PPP2R3A: variants seen among roughly 807,000 people sequenced by gnomAD.
PPP2R3A encodes the protein protein phosphatase 2 regulatory subunit B''alpha, also known as serine/threonine-protein phosphatase 2A regulatory subunit B'' subunit alpha.
Under a neutral mutation model 106.9 loss-of-function variants are expected in PPP2R3A, and 80 were observed. The ratio of observed to expected loss-of-function variants is 0.75; its 90% CI spans 0.62 to 0.90. PPP2R3A has a LOEUF of 0.90. Ranked by LOEUF, PPP2R3A falls within the 40% of genes least tolerant of loss-of-function variation. The pLI, the probability that PPP2R3A is intolerant of heterozygous loss-of-function variation, is 0.00. For missense variants in PPP2R3A, 1,386 were observed against 1,350.4 expected (o/e 1.03, Z -0.41); for synonymous variants, 483 against 468.3 (o/e 1.03, Z -0.41).
At position 136,003,055 on chromosome 3, in the gene PPP2R3A, T is replaced by C. The variant is rs1468706487; in HGVS notation, c.1557T>C (p.Phe519=). 1.9e-6 allele frequency: 3 copies of C among 1,612,336 alleles called. No homozygotes were observed. Among genetic ancestry groups the C allele is most frequent in the Non-Finnish European group, 2.5e-6 (3 of 1,179,562 alleles). Residue 519 remains phenylalanine (F), a synonymous_variant, in exon 2 of 14, where the codon TTT becomes TTC. Transcript: ENST00000264977. ...IDKLLMDLES[F]SQKMETSLRE... is the part of the protein sequence containing the mutation. ...AATTGTTAATGGATTTGGAATCTTT[T>C]TCACAGAAGATGGAGACCTCTCTAA...
chr3:136,061,901 T>C (rs1198633824), intron 5 of PPP2R3A, among the ~76,000 whole-genome samples: 3 of 121,016 alleles, frequency 2.5e-5, no homozygotes, highest in African/African-American at 1.0e-4. Context: ...CACTCCAGCC[T>C]GGGCGACAGA....
rs865876272 is a variant in PPP2R3A, at chr3:136,107,531, A to G, written c.3329+1209A>G. Among the ~76,000 whole-genome samples the G allele has an allele frequency of 1.3e-4, 19 of 147,874 alleles. 1 individual carries two copies. Among genetic ancestry groups the G allele is most frequent in the Middle Eastern group, 3.4e-3 (1 of 296 alleles). ...TGAGGCATAGAGATAGAGGAAGAGC[A>G]GGTCTAGAGGGATAAACAGAAACTA... On this transcript the variant is annotated intron_variant, in intron 13 of 13. Transcript: ENST00000264977.
At chr3:136,000,100 G>A (rs1000643392) in intron 1 of PPP2R3A, among the ~76,000 whole-genome samples, 1 of 152,130 alleles carries the variant, frequency 6.6e-6, no homozygotes, top group Non-Finnish European at 1.5e-5. Flanking sequence ...TCAGGTCTCT[G>A]CTTTTCAGAT....
At chr3:136,100,014 C>G (rs1271509289) in intron 10 of PPP2R3A, among the ~76,000 whole-genome samples, 1 of 151,584 alleles carries the variant, frequency 6.6e-6, no homozygotes, top group Non-Finnish European at 1.5e-5. Flanking sequence ...TGAATAGGCT[C>G]TCAGAAAAGC....
rs188776795 is a variant in PPP2R3A at position 136,074,268 on chromosome 3, G to C, written c.2544+3716G>C. 9.2e-5 allele frequency among the ~76,000 whole-genome samples: 14 copies of C among 152,294 alleles called. No individual in the cohort carries two copies. The East Asian group carries it at 2.7e-3, about 29-fold the overall frequency. ...GTATCATTGAAAATCTATGTTACAG[G>C]AAAGGCTGTTTGTTTAGTTAATTAT... On this transcript the variant is annotated intron_variant, in intron 6 of 13. Transcript: ENST00000264977.
At chr3:136,115,990 C>A (rs112765808) in intron 13 of PPP2R3A, among the ~76,000 whole-genome samples, 5,008 of 151,862 alleles carry the variant, frequency 0.033, 295 homozygotes, top group African/African-American at 0.11. Flanking sequence ...TAAGGGCAGC[C>A]AGAGAGAAAA....
chr3:136,122,474 G>C (rs1203792906), intron 13 of PPP2R3A, among the ~76,000 whole-genome samples: 8 of 152,122 alleles, frequency 5.3e-5, no homozygotes, highest in Non-Finnish European at 1.2e-4. Flanking sequence ...TTACCCTCCT[G>C]CAGTTAAATA....
intron 5 of PPP2R3A, among the ~76,000 whole-genome samples, chr3:136,053,357 G>A (rs1195966480): frequency 2.6e-5 from 4 of 151,136 alleles, no homozygotes; most frequent in African/African-American, 9.7e-5. Flanking sequence ...GATTTATATG[G>A]ATCAAAAAAA....
rs570344323 is a variant in PPP2R3A, at chr3:136,139,745, T to C, written c.3330-5298T>C. 6.0e-5 allele frequency among the ~76,000 whole-genome samples: 9 copies of C among 150,488 alleles called. No individual in the cohort carries two copies. The East Asian group carries it at 1.8e-3, about 29-fold the overall frequency. The stretch of plus-strand genomic sequence containing the variant: ...TCAGCTGGGCATGGTGGCTCAAGCC[T>C]GTAATCCCAACATTTTTGGAGGCCG... On this transcript the variant is annotated intron_variant, in intron 13 of 13. Transcript: ENST00000264977.
At chr3:135,997,307 C>G (rs1277901138) in intron 1 of PPP2R3A, among the ~76,000 whole-genome samples, 1 of 152,160 alleles carries the variant, frequency 6.6e-6, no homozygotes, top group Non-Finnish European at 1.5e-5. Context: ...TTAGTAACAT[C>G]CAGTGCTAGT....
chr3:136,063,702 C>T (rs1559897730), intron 5 of PPP2R3A, among the ~76,000 whole-genome samples: 1 of 151,546 alleles, frequency 6.6e-6, no homozygotes, highest in Non-Finnish European at 1.5e-5. Context: ...AAATGCAAAT[C>T]AAAACCACAA....
chr3:135,975,466 C>T (rs1460749131), intron 1 of PPP2R3A, among the ~76,000 whole-genome samples: 3 of 152,138 alleles, frequency 2.0e-5, no homozygotes, highest in Admixed American at 6.5e-5. Flanking sequence ...GGTATTATTT[C>T]TAAGAATTTT....
chr3:136,044,565 T>A (rs547604691), intron 4 of PPP2R3A, among the ~76,000 whole-genome samples: 54 of 108,800 alleles, frequency 5.0e-4, no homozygotes, highest in African/African-American at 1.9e-3. Context: ...AATGAGACCC[T>A]GTCTCAAAAA....
intron 2 of PPP2R3A, among the ~76,000 whole-genome samples, chr3:136,012,424 T>C (rs1042718604): frequency 5.9e-5 from 9 of 152,176 alleles, no homozygotes; most frequent in African/African-American, 2.2e-4. Flanking sequence ...TTCCCATAAT[T>C]TGGAGGCAAT....
intron 2 of PPP2R3A, among the ~76,000 whole-genome samples, chr3:136,007,465 A>G (rs1267973699): frequency 2.6e-5 from 4 of 152,160 alleles, no homozygotes; most frequent in African/African-American, 9.7e-5. Context: ...CAAGTATCTT[A>G]CCTAGACCTC....
intron 13 of PPP2R3A, among the ~76,000 whole-genome samples, chr3:136,144,660 CA>C (rs111855021): frequency 0.041 from 5,411 of 132,912 alleles, 317 homozygotes; most frequent in African/African-American, 0.13. Context: ...GGCTCCGTCT[CA>C]AAAAAAAAAA....
chr3:136,127,977 A>G (rs1938247118), intron 13 of PPP2R3A, among the ~76,000 whole-genome samples: 1 of 152,226 alleles, frequency 6.6e-6, no homozygotes, highest in Non-Finnish European at 1.5e-5. Context: ...AGATTTTGTC[A>G]CCACCAGGCC....
chr3:135,984,287 A>T (rs1157275339), intron 1 of PPP2R3A, among the ~76,000 whole-genome samples: 4 of 152,222 alleles, frequency 2.6e-5, no homozygotes, highest in African/African-American at 9.6e-5. Context: ...TTGATCTTAC[A>T]GAAACCTGGA....
intron 13 of PPP2R3A, among the ~76,000 whole-genome samples, chr3:136,114,504 C>A (rs769418382): frequency 6.6e-6 from 1 of 152,214 alleles, no homozygotes; most frequent in Non-Finnish European, 1.5e-5. Flanking sequence ...GGTCCCACCC[C>A]CACAGAACCC....
Sources: gnomAD v4.1 joint callset for allele counts (sites outside exome capture counted in the v4.1 genomes callset) on GRCh38, gnomAD v4.1.1 for gene constraint, MANE v1.5 for transcripts, NCBI Gene and HGNC (gene_info 2026-07-23, HGNC 2026-07-21) for gene names.